The following DENND1A variants were observed in gnomAD, a reference collection of about 807,000 sequenced individuals.
DENND1A encodes the protein DENN domain containing 1A, also known as DENN domain-containing protein 1A.
In DENND1A, 51 loss-of-function variants were observed where a neutral mutation model predicts 113.7. The ratio of observed to expected loss-of-function variants is 0.45; its 90% CI spans 0.36 to 0.57. The LOEUF (loss-of-function observed/expected upper bound fraction) is 0.57, where lower values mean the gene tolerates loss of function less well. DENND1A is among the 20% of genes least tolerant of loss of function. The pLI is 0.00. For synonymous variants in DENND1A, 565 were observed against 570.8 expected (o/e 0.99, Z 0.14); for missense variants, 1,258 against 1,395.9 (o/e 0.90, Z 1.57).
chr9:123,738,390 T>C (rs2068728639), intron 5 of DENND1A, among the ~76,000 whole-genome samples: 1 of 151,270 alleles, frequency 6.6e-6, no homozygotes, highest in Middle Eastern at 3.4e-3. Flanking sequence ...TTTTCCCAAT[T>C]TAAACTTGTC....
chr9:123,847,036 G>T (rs1037456679), intron 2 of DENND1A, among the ~76,000 whole-genome samples: 20 of 152,186 alleles, frequency 1.3e-4, no homozygotes, highest in Admixed American at 8.5e-4. Context: ...TAGAGACAGG[G>T]TCTCACTATT....
chr9:123,442,116 C>A (rs1355606802), intron 18 of DENND1A, among the ~76,000 whole-genome samples: 2 of 152,148 alleles, frequency 1.3e-5, no homozygotes, highest in African/African-American at 2.4e-5. Context: ...ATATTACTAC[C>A]AATTACTACC....
intron 2 of DENND1A, among the ~76,000 whole-genome samples, chr9:123,800,179 C>T (rs781425881): frequency 6.6e-6 from 1 of 152,190 alleles, no homozygotes; most frequent in East Asian, 1.9e-4. Flanking sequence ...CTGTAAACAT[C>T]AAATACACAA....
chr9:123,577,205 T>C (rs941439426), intron 12 of DENND1A, among the ~76,000 whole-genome samples: 1 of 152,204 alleles, frequency 6.6e-6, no homozygotes, highest in African/African-American at 2.4e-5. Context: ...TTGAGGAGTT[T>C]TTATTGCTAT....
intron 12 of DENND1A, among the ~76,000 whole-genome samples, chr9:123,580,833 T>C (rs1270277465): frequency 1.3e-5 from 2 of 152,134 alleles, no homozygotes; most frequent in African/African-American, 2.4e-5. Context: ...CACTTTAAAT[T>C]TTCCTAAGTT....
chr9:123,757,150 C>T (rs1022783988), intron 5 of DENND1A, among the ~76,000 whole-genome samples: 7 of 152,184 alleles, frequency 4.6e-5, no homozygotes, highest in African/African-American at 1.7e-4. Context: ...GCAAGTGTGG[C>T]TCTGGTGTAT....
intron 13 of DENND1A, among the ~76,000 whole-genome samples, chr9:123,469,323 C>T (rs1346497877): frequency 6.6e-6 from 1 of 152,248 alleles, no homozygotes; most frequent in Non-Finnish European, 1.5e-5. Flanking sequence ...ATGTGGGTGT[C>T]AGCCCAGAGC....
At chr9:123,925,696 C>A (rs1274975489) in intron 1 of DENND1A, among the ~76,000 whole-genome samples, 1 of 152,140 alleles carries the variant, frequency 6.6e-6, no homozygotes, top group Non-Finnish European at 1.5e-5. Flanking sequence ...CTTAGTTCTA[C>A]AGTAGGTAAA....
intron 2 of DENND1A, among the ~76,000 whole-genome samples, chr9:123,842,484 G>C (rs1841976867): frequency 6.6e-6 from 1 of 152,048 alleles, no homozygotes; most frequent in Non-Finnish European, 1.5e-5. Flanking sequence ...AAAAAAGAGA[G>C]AGAGAGAATG....
At chr9:123,750,577 G>A (rs2069930251) in intron 5 of DENND1A, among the ~76,000 whole-genome samples, 1 of 152,184 alleles carries the variant, frequency 6.6e-6, no homozygotes, top group Non-Finnish European at 1.5e-5. Context: ...CTTAGCAGTG[G>A]GGCCTTCTGC....
intron 3 of DENND1A, among the ~76,000 whole-genome samples, chr9:123,771,197 TTAGA>T (rs1284233771): frequency 1.3e-5 from 2 of 152,208 alleles, no homozygotes; most frequent in Admixed American, 6.5e-5. Flanking sequence ...CTAATCATGC[TTAGA>T]TAAACTGCAA....
At chr9:123,816,004 T>A (rs1184879609) in intron 2 of DENND1A, among the ~76,000 whole-genome samples, 1 of 143,616 alleles carries the variant, frequency 7.0e-6, no homozygotes, top group African/African-American at 2.6e-5. Flanking sequence ...TTTTTTTTTT[T>A]TTTTTTTTTT....
At chr9:123,812,892 A>G (rs748731379) in intron 2 of DENND1A, among the ~76,000 whole-genome samples, 1 of 152,114 alleles carries the variant, frequency 6.6e-6, no homozygotes, top group Non-Finnish European at 1.5e-5. Flanking sequence ...TGCCATACCA[A>G]AGTTTCAGAT....
chr9:123,799,125 A>G (rs1394570489), intron 2 of DENND1A, among the ~76,000 whole-genome samples: 2 of 152,190 alleles, frequency 1.3e-5, no homozygotes, highest in Non-Finnish European at 2.9e-5. Context: ...TAGATGTATC[A>G]TATGTGTCAA....
intron 10 of DENND1A, among the ~76,000 whole-genome samples, chr9:123,625,627 C>G (rs1464253838): frequency 6.6e-6 from 1 of 152,286 alleles, no homozygotes; most frequent in South Asian, 2.1e-4. Context: ...ACCTGTGATT[C>G]CAGCTACTAG....
intron 9 of DENND1A, among the ~76,000 whole-genome samples, chr9:123,638,564 G>GT (rs1006894117): frequency 3.9e-5 from 6 of 152,072 alleles, no homozygotes; most frequent in African/African-American, 1.4e-4. Flanking sequence ...CTGCCTCCTG[G>GT]GTTCAAGTGA....
chr9:123,887,566 T>G (rs1849274744), intron 1 of DENND1A, among the ~76,000 whole-genome samples: 1 of 150,816 alleles, frequency 6.6e-6, no homozygotes, highest in African/African-American at 2.4e-5. Flanking sequence ...GTGAGGAGCA[T>G]GTCTAAGCAT....
At chr9:123,831,447 A>G (rs1840194378) in intron 2 of DENND1A, among the ~76,000 whole-genome samples, 1 of 152,198 alleles carries the variant, frequency 6.6e-6, no homozygotes, top group African/African-American at 2.4e-5. Context: ...TAACAAACCA[A>G]TTCAAAAATT....
chr9:123,485,688 ACACG>A (rs2050803307), intron 13 of DENND1A: 1 of 147,974 alleles, frequency 6.8e-6, no homozygotes, highest in Admixed American at 6.8e-5. Context: ...ACACACACAC[ACACG>A]CAGTGTGGGG....
Sources: allele counts gnomAD v4.1 joint callset (sites outside exome capture counted in the v4.1 genomes callset), GRCh38; gene constraint gnomAD v4.1.1; transcripts MANE v1.5; gene names NCBI Gene and HGNC (gene_info 2026-07-23, HGNC 2026-07-21).